Variants in PEAK1 observed in about 807,000 individuals in gnomAD.
The protein encoded by PEAK1 is pseudopodium enriched atypical kinase 1.
In PEAK1, 54 loss-of-function variants were observed where a neutral mutation model predicts 124.7. The ratio of observed to expected loss-of-function variants is 0.43; its 90% CI spans 0.35 to 0.54. The LOEUF (loss-of-function observed/expected upper bound fraction) is 0.54. Among genes scored for constraint, PEAK1 ranks in the 20% least tolerant of loss-of-function variants. PEAK1 has a pLI of 0.01. For missense variants in PEAK1, 2,046 were observed against 2,134.5 expected (o/e 0.96, Z 0.82); for synonymous variants, 719 against 760.0 (o/e 0.95, Z 0.89).
exon 7 of PEAK1, chr15:77,102,280 A>C (rs184774028): frequency 2.0e-5 from 3 of 152,282 alleles, no homozygotes; most frequent in Non-Finnish European, 4.4e-5. Flanking sequence ...GATTTGTATC[A>C]GCTCTTTATA....
intron 2 of PEAK1, among the ~76,000 whole-genome samples, chr15:77,341,101 T>C (rs1313733350): frequency 6.6e-6 from 1 of 152,024 alleles, no homozygotes; most frequent in Non-Finnish European, 1.5e-5. Flanking sequence ...CTATAAAAAA[T>C]ACACATAGGA....
At chr15:77,402,827 G>T (rs1597619095) in intron 1 of PEAK1, 1 of 953,786 alleles carries the variant, frequency 1.0e-6, no homozygotes, top group African/African-American at 1.8e-5. Flanking sequence ...CATGTTGTAT[G>T]AAAAAAAAAA....
intron 7 of PEAK1, among the ~76,000 whole-genome samples, chr15:77,160,796 G>C (rs2055567777): frequency 2.6e-5 from 4 of 152,228 alleles, no homozygotes; most frequent in African/African-American, 9.6e-5. Context: ...AATCTCTTCA[G>C]ACTTACTCCT....
intron 6 of PEAK1, among the ~76,000 whole-genome samples, chr15:77,240,727 CATTT>C (rs1439167217): frequency 6.6e-6 from 1 of 152,126 alleles, no homozygotes; most frequent in Non-Finnish European, 1.5e-5. Flanking sequence ...ACACCACCTT[CATTT>C]AGAGACCTAA....
intron 6 of PEAK1, among the ~76,000 whole-genome samples, chr15:77,250,243 A>ATGTG: frequency 1.2e-5 from 1 of 86,368 alleles, no homozygotes; most frequent in African/African-American, 3.7e-5. Flanking sequence ...GTATATGTAT[A>ATGTG]TATATATATA....
At chr15:77,307,794 G>A (rs1157794492) in intron 2 of PEAK1, among the ~76,000 whole-genome samples, 1 of 152,036 alleles carries the variant, frequency 6.6e-6, no homozygotes, top group Non-Finnish European at 1.5e-5. Flanking sequence ...AATAGTCCAA[G>A]TACTGGAAAA....
intron 2 of PEAK1, chr15:77,352,688 T>A: frequency 6.3e-6 from 6 of 951,330 alleles, no homozygotes; most frequent in Non-Finnish European, 6.3e-6. Context: ...TAACCTGAAA[T>A]TTTTAAAAAT....
chr15:77,125,996 G>T (rs1188650829), intron 9 of PEAK1, among the ~76,000 whole-genome samples: 1 of 152,184 alleles, frequency 6.6e-6, no homozygotes, highest in Non-Finnish European at 1.5e-5. Context: ...GGTACTAGAG[G>T]ATGGGACTAC....
At chr15:77,122,302 G>A (rs2051991902) in intron 9 of PEAK1, among the ~76,000 whole-genome samples, 1 of 152,112 alleles carries the variant, frequency 6.6e-6, no homozygotes, top group Non-Finnish European at 1.5e-5. Context: ...ATTCAAGAAG[G>A]TAACTGTGTA....
chr15:77,248,190 C>A (rs1172469834), intron 6 of PEAK1, among the ~76,000 whole-genome samples: 1 of 152,004 alleles, frequency 6.6e-6, no homozygotes, highest in East Asian at 1.9e-4. Flanking sequence ...AACCACTGCA[C>A]CTGGCCAATC....
At chr15:77,368,609 T>C (rs142637267) in intron 1 of PEAK1, among the ~76,000 whole-genome samples, 1,699 of 151,628 alleles carry the variant, frequency 0.011, 41 homozygotes, top group African/African-American at 0.039. Context: ...AAATGAAACA[T>C]AGAAAGCAAT....
intron 1 of PEAK1, among the ~76,000 whole-genome samples, chr15:77,384,856 G>T (rs2069791765): frequency 6.6e-6 from 1 of 152,126 alleles, no homozygotes; most frequent in African/African-American, 2.4e-5. Context: ...TTTGCTGTAT[G>T]TCAACAGTTG....
At chr15:77,238,511 G>A (rs1427117217) in intron 6 of PEAK1, among the ~76,000 whole-genome samples, 2 of 151,638 alleles carry the variant, frequency 1.3e-5, no homozygotes, top group African/African-American at 2.4e-5. Flanking sequence ...TTATCCCTTG[G>A]GCATTAGTTC....
intron 6 of PEAK1, among the ~76,000 whole-genome samples, chr15:77,202,575 G>T (rs1386213768): frequency 6.6e-6 from 1 of 151,262 alleles, no homozygotes; most frequent in African/African-American, 2.4e-5. Context: ...GACCATCCTG[G>T]TTAACACGGT....
At chr15:77,190,892 A>G (rs911457113) in intron 6 of PEAK1, among the ~76,000 whole-genome samples, 2 of 152,222 alleles carry the variant, frequency 1.3e-5, no homozygotes, top group Non-Finnish European at 2.9e-5. Flanking sequence ...AACTTCATCT[A>G]TTATATTAAA....
rs2050929809 is a variant in PEAK1, at chr15:77,110,691, AGGG to A, written c.*3462_*3464del. On this transcript the variant is annotated 3_prime_UTR_variant, in exon 10 of 10. Transcript: ENST00000682557. ...CATACCTCACCCAGTTCATCTTCTG[AGGG>A]CAAATCTTGAAACTCATTGCCATAT... 6.6e-6 allele frequency: 1 copy of A among 152,338 alleles called. No homozygotes were observed. The highest frequency in any genetic ancestry group is 2.4e-5 in the African/African-American group (1 of 41,560). The allele number at this position is 152,338 out of a possible 1,614,324, so 9.4% of individuals were successfully genotyped here. A position where few individuals can be genotyped will look rare whatever the true frequency, so the allele number is the denominator to read the frequency against.
At chr15:77,302,927 TC>T (rs1325502784) in intron 2 of PEAK1, among the ~76,000 whole-genome samples, 1 of 152,154 alleles carries the variant, frequency 6.6e-6, no homozygotes, top group Non-Finnish European at 1.5e-5. Context: ...AACCTTCCCA[TC>T]AACTCCTTGC....
intron 2 of PEAK1, chr15:77,333,129 T>C: frequency 1.0e-6 from 1 of 977,902 alleles, no homozygotes; most frequent in African/African-American, 1.8e-5. Flanking sequence ...TAATTTTTTG[T>C]GCAACTAAAA....
intron 1 of PEAK1, among the ~76,000 whole-genome samples, chr15:77,404,981 T>C (rs1595862996): frequency 1.3e-5 from 2 of 152,048 alleles, no homozygotes; most frequent in African/African-American, 2.4e-5. Flanking sequence ...ACATCCCTAT[T>C]ATATGTAGTA....
Sources: allele counts gnomAD v4.1 joint callset (sites outside exome capture counted in the v4.1 genomes callset), GRCh38; gene constraint gnomAD v4.1.1; transcripts MANE v1.5; gene names NCBI Gene and HGNC (gene_info 2026-07-23, HGNC 2026-07-21).